The following FAM110B variants were observed in gnomAD, a reference collection of about 807,000 sequenced individuals.
The protein encoded by FAM110B is family with sequence similarity 110 member B.
Under a neutral mutation model 20.4 loss-of-function variants are expected in FAM110B, and 6 were observed. The observed-to-expected ratio is 0.29, with a 90% confidence interval of 0.16 to 0.58. The LOEUF (loss-of-function observed/expected upper bound fraction) is 0.58, where lower values mean the gene tolerates loss of function less well. FAM110B is among the 20% of genes least tolerant of loss of function. The probability of loss-of-function intolerance (pLI) is 0.90; values close to 1 mark genes in which losing one functional copy is unlikely to be tolerated. For synonymous variants in FAM110B, 226 were observed against 214.1 expected, an observed-to-expected ratio of 1.06 and a Z score of -0.49; for missense variants, 434 against 498.2, an observed-to-expected ratio of 0.87 and a Z score of 1.23.
In FAM110B at chr8:58,147,055, G is replaced by A. The variant is rs748661110; in HGVS notation, c.825G>A (p.Glu275=). Residue 275 remains glutamate (E), a synonymous_variant, in exon 4 of 4, where the codon GAG becomes GAA. Transcript: ENST00000519262. ...DRYFRVDADV[E]RFFNYCGLDP... ...ATTTCCGAGTGGACGCGGACGTGGA[G>A]AGGTTCTTCAACTACTGTGGACTGG... 3 of 1,614,106 alleles carry A rather than the reference G, an allele frequency of 1.9e-6. No homozygotes were observed. In the Admixed American group the frequency reaches 5.0e-5, roughly 27 times the overall value.
intron 2 of FAM110B, among the ~76,000 whole-genome samples, chr8:58,049,363 C>A (rs1197955119): frequency 6.6e-6 from 1 of 151,560 alleles, no homozygotes; most frequent in Non-Finnish European, 1.5e-5. Context: ...CATATTTAAG[C>A]AAGTTACAAT....
intron 1 of FAM110B, among the ~76,000 whole-genome samples, chr8:58,021,555 T>C (rs1294756882): frequency 6.6e-6 from 1 of 152,106 alleles, no homozygotes; most frequent in Non-Finnish European, 1.5e-5. Flanking sequence ...GTATCAATGT[T>C]GTTAAATATA....
chr8:57,999,214 A>G (rs889751412), intron 1 of FAM110B, among the ~76,000 whole-genome samples: 1 of 152,240 alleles, frequency 6.6e-6, no homozygotes, highest in Non-Finnish European at 1.5e-5. Flanking sequence ...GAGAAGTTCA[A>G]AAATGAATAC....
intron 3 of FAM110B, among the ~76,000 whole-genome samples, chr8:58,125,542 G>A (rs1807477061): frequency 6.6e-6 from 1 of 152,034 alleles, no homozygotes; most frequent in South Asian, 2.1e-4. Flanking sequence ...CATAATAATG[G>A]AAAAAGACTT....
At chr8:58,114,050 C>T (rs1807132954) in intron 3 of FAM110B, among the ~76,000 whole-genome samples, 1 of 152,196 alleles carries the variant, frequency 6.6e-6, no homozygotes, top group Admixed American at 6.5e-5. Context: ...TAGGTTTGCT[C>T]TAGCTTAACC....
In FAM110B at chr8:58,146,284, G is replaced by C; in HGVS notation, c.54G>C (p.Ala18=). 6.2e-7 allele frequency: 1 copy of C among 1,613,486 alleles called. No homozygotes were observed. The highest frequency in any genetic ancestry group is 8.5e-7 in the Non-Finnish European group (1 of 1,179,764). The stretch of plus-strand genomic sequence containing the variant: ...GCATGGTGAAGCCGGTCAGCCCCGC[G>C]GGCACCTTCACCTCTGCTGTGCCCC... ...TGSMVKPVSP[A]GTFTSAVPLR... The change falls in exon 4 of 4, where the codon GCG becomes GCC. Residue 18 remains alanine (A), a synonymous_variant. Transcript: ENST00000519262.
intron 1 of FAM110B, among the ~76,000 whole-genome samples, chr8:58,019,849 T>C (rs777893770): frequency 6.6e-6 from 1 of 152,164 alleles, no homozygotes; most frequent in Non-Finnish European, 1.5e-5. Context: ...TGCTTTGAGT[T>C]CACTGAGCTT....
At chr8:58,132,277 C>G (rs1051846885) in intron 3 of FAM110B, among the ~76,000 whole-genome samples, 16 of 152,150 alleles carry the variant, frequency 1.1e-4, no homozygotes, top group Admixed American at 2.6e-4. Context: ...CTCCTAACCG[C>G]GGCTTCTCCC....
At chr8:58,065,051 T>A (rs1205114710) in intron 2 of FAM110B, among the ~76,000 whole-genome samples, 1 of 152,206 alleles carries the variant, frequency 6.6e-6, no homozygotes, top group East Asian at 1.9e-4. Context: ...CTTGTTTAGA[T>A]TAAAGTCTAA....
chr8:58,098,582 A>G (rs1806693216), intron 3 of FAM110B, among the ~76,000 whole-genome samples: 5 of 152,118 alleles, frequency 3.3e-5, no homozygotes, highest in Admixed American at 3.3e-4. Flanking sequence ...TCCAGGCACC[A>G]CTGGGGTATG....
rs1803858317 is a variant in FAM110B, at chr8:58,146,177, G to T, written c.-54G>T. The stretch of plus-strand genomic sequence containing the variant: ...ATGTACATGTGTCTATTCAGGCCTT[G>T]CGGAGGCGCCCAGAAGAGCATCCAA... On this transcript the variant is annotated 5_prime_UTR_variant, in exon 4 of 4. Coordinates refer to ENST00000519262, the MANE Select transcript of FAM110B (RefSeq NM_001377989.1). The T allele has an allele frequency of 6.5e-7, 1 of 1,536,020 alleles. No homozygotes were observed. Among genetic ancestry groups the T allele is most frequent in the Admixed American group, 2.0e-5 (1 of 50,316 alleles).
chr8:58,142,164 CT>C (rs1190610671), intron 3 of FAM110B, among the ~76,000 whole-genome samples: 1 of 152,236 alleles, frequency 6.6e-6, no homozygotes, highest in Non-Finnish European at 1.5e-5. Context: ...AAAGCTCAGA[CT>C]TTTGCTCATT....
chr8:58,117,449 A>G (rs1723494640), intron 3 of FAM110B, among the ~76,000 whole-genome samples: 1 of 152,130 alleles, frequency 6.6e-6, no homozygotes, highest in South Asian at 2.1e-4. Context: ...GGAGGCTTTA[A>G]CCTCTCAGCA....
chr8:58,023,902 G>A (rs746759509), intron 1 of FAM110B, among the ~76,000 whole-genome samples: 2 of 152,170 alleles, frequency 1.3e-5, no homozygotes, highest in South Asian at 2.1e-4. Context: ...GAGCTGTGTA[G>A]CACTCTTTTT....
At chr8:58,123,550 A>G (rs1032458571) in intron 3 of FAM110B, among the ~76,000 whole-genome samples, 9 of 152,192 alleles carry the variant, frequency 5.9e-5, no homozygotes, top group Middle Eastern at 3.2e-3. Flanking sequence ...TTACTTTTTA[A>G]TCACTGATTT....
At chr8:58,096,915 T>C (rs1396939389) in intron 3 of FAM110B, among the ~76,000 whole-genome samples, 1 of 152,240 alleles carries the variant, frequency 6.6e-6, no homozygotes, top group African/African-American at 2.4e-5. Context: ...AGATCTGCTG[T>C]TAGTCTGATG....
intron 1 of FAM110B, among the ~76,000 whole-genome samples, chr8:58,003,519 G>T (rs1408502289): frequency 6.6e-6 from 1 of 152,190 alleles, no homozygotes; most frequent in Non-Finnish European, 1.5e-5. Context: ...CTTACAAAGG[G>T]TATTCCTTAA....
chr8:58,076,902 T>TTATTGCA (rs1806049769), intron 3 of FAM110B, among the ~76,000 whole-genome samples: 1 of 152,240 alleles, frequency 6.6e-6, no homozygotes, highest in Non-Finnish European at 1.5e-5. Context: ...CCATGTATTT[T>TTATTGCA]GTAATTTATT....
chr8:58,108,839 C>T (rs1239639776), intron 3 of FAM110B, among the ~76,000 whole-genome samples: 2 of 152,182 alleles, frequency 1.3e-5, no homozygotes, highest in Non-Finnish European at 2.9e-5. Context: ...TTCCCAGGAG[C>T]TTCATTCCTC....
Sources: allele counts gnomAD v4.1 joint callset (sites outside exome capture counted in the v4.1 genomes callset), GRCh38; gene constraint gnomAD v4.1.1; transcripts MANE v1.5; gene names NCBI Gene and HGNC (gene_info 2026-07-23, HGNC 2026-07-21).